ADGRL4: variants seen among roughly 807,000 people sequenced by gnomAD.
ADGRL4 encodes EGF, latrophilin and seven transmembrane domain containing 1.
Under a neutral mutation model 74.8 loss-of-function variants are expected in ADGRL4, and 90 were observed. That is an observed-to-expected ratio of 1.20 (90% CI 1.02 to 1.43). The LOEUF is 1.43. Ranked by LOEUF, ADGRL4 falls within the 40% of genes most tolerant of loss-of-function variation. The pLI is 0.00. For missense variants in ADGRL4, 881 were observed against 814.3 expected (o/e 1.08, Z -1.00); for synonymous variants, 311 against 279.2 (o/e 1.11, Z -1.14).
chr1:78,923,652 T>C (rs1649047520), intron 8 of ADGRL4, among the ~76,000 whole-genome samples: 1 of 151,820 alleles, frequency 6.6e-6, no homozygotes, highest in Non-Finnish European at 1.5e-5. Context: ...TAAAAAAATA[T>C]ATAAATAATA....
At chr1:78,926,788 A>T in intron 8 of ADGRL4, 98 bp downstream of exon 8, 1 of 844,782 alleles carries the variant, frequency 1.2e-6, no homozygotes, top group Non-Finnish European at 1.8e-6. Flanking sequence ...CTGTATTTTT[A>T]AACTCAAGAA....
intron 7 of ADGRL4, among the ~76,000 whole-genome samples, chr1:78,934,975 C>G (rs927091572): frequency 6.6e-6 from 1 of 152,152 alleles, no homozygotes; most frequent in African/African-American, 2.4e-5. Context: ...ATTAGTTCAA[C>G]CATTGTGGAA....
chr1:78,989,422 T>C (rs1173825480), intron 2 of ADGRL4, among the ~76,000 whole-genome samples: 3 of 151,918 alleles, frequency 2.0e-5, no homozygotes, highest in Non-Finnish European at 2.9e-5. Context: ...AAGAAACTTA[T>C]TCTTTAAAGA....
intron 2 of ADGRL4, among the ~76,000 whole-genome samples, chr1:78,952,108 C>CTT (rs572978181): frequency 0.014 from 2,167 of 151,790 alleles, 52 homozygotes; most frequent in African/African-American, 0.05. Context: ...AAAGAATCGT[C>CTT]TTTTTTTTAT....
At chr1:78,957,747 C>A (rs532827922) in intron 2 of ADGRL4, among the ~76,000 whole-genome samples, 1 of 152,238 alleles carries the variant, frequency 6.6e-6, no homozygotes, top group East Asian at 1.9e-4. Context: ...AGAAATCTGG[C>A]TAAGATAATT....
At chr1:78,943,238 A>G (rs1049956689) in intron 3 of ADGRL4, among the ~76,000 whole-genome samples, 1 of 152,176 alleles carries the variant, frequency 6.6e-6, no homozygotes, top group Non-Finnish European at 1.5e-5. Context: ...GCAGTAAACA[A>G]TGCTCTAAAA....
At chr1:78,928,389 G>A (rs115689572) in intron 7 of ADGRL4, among the ~76,000 whole-genome samples, 1 of 151,126 alleles carries the variant, frequency 6.6e-6, no homozygotes, top group Non-Finnish European at 1.5e-5. Context: ...ACTAATTTGA[G>A]GCTTGATCTA....
chr1:78,940,549 C>T (rs1237807624), intron 3 of ADGRL4, among the ~76,000 whole-genome samples: 1 of 152,028 alleles, frequency 6.6e-6, no homozygotes, highest in East Asian at 1.9e-4. Flanking sequence ...TAATCTGCCA[C>T]TAGAGAAAAG....
In ADGRL4 at chr1:78,990,738, A is replaced by G. The variant is rs144877562; in HGVS notation, c.172+14332T>C. Among the ~76,000 whole-genome samples, 517 of 152,128 alleles carry G rather than the reference A, an allele frequency of 3.4e-3. 4 individuals carry two copies. Among genetic ancestry groups the G allele is most frequent in the African/African-American group, 0.012 (499 of 41,582 alleles). ...CGAACATAACATTAGTTGAAGAAGCATAACACTAAAATCAAGCATCTGCTT... is the reference window on the plus strand; with the variant it reads ...CGAACATAACATTAGTTGAAGAAGCGTAACACTAAAATCAAGCATCTGCTT... On this transcript the variant is annotated intron_variant, in intron 2 of 14. Transcript: ENST00000370742.
In ADGRL4 at chr1:78,962,557, C is replaced by T. The variant is rs538934131; in HGVS notation, c.173-16131G>A. 3.9e-5 allele frequency among the ~76,000 whole-genome samples: 6 copies of T among 152,264 alleles called. No individual in the cohort carries two copies. The East Asian group carries it at 9.7e-4, about 25-fold the overall frequency. On this transcript the variant is annotated intron_variant, in intron 2 of 14. Transcript: ENST00000370742. The stretch of plus-strand genomic sequence containing the variant: ...CCTTGCCTCTCTCCCCTGTCTCCCC[C>T]ATCCAAGCTGAAACTTTATATTGAT...
intron 2 of ADGRL4, among the ~76,000 whole-genome samples, chr1:78,964,809 A>C (rs1473223526): frequency 6.6e-6 from 1 of 152,134 alleles, no homozygotes; most frequent in Non-Finnish European, 1.5e-5. Context: ...CTGCTTCTGT[A>C]ATGTTTTCTG....
At chr1:78,990,037 T>C (rs980630916) in intron 2 of ADGRL4, among the ~76,000 whole-genome samples, 1 of 151,822 alleles carries the variant, frequency 6.6e-6, no homozygotes, top group African/African-American at 2.4e-5. Context: ...TTTCATCAGG[T>C]TTTGATCAAT....
chr1:78,940,051 G>A (rs548386835), intron 3 of ADGRL4, among the ~76,000 whole-genome samples: 32 of 152,090 alleles, frequency 2.1e-4, no homozygotes, highest in Non-Finnish European at 4.0e-4. Context: ...TGAATTGCGT[G>A]ATTAATCAAC....
intron 12 of ADGRL4, among the ~76,000 whole-genome samples, chr1:78,903,322 G>T (rs12402432): frequency 0.28 from 43,232 of 151,986 alleles, 6,202 homozygotes; most frequent in Middle Eastern, 0.32. Context: ...TGCACTGTGG[G>T]TTAAAATTCA....
intron 2 of ADGRL4, among the ~76,000 whole-genome samples, chr1:78,998,065 A>G (rs776998209): frequency 3.4e-4 from 52 of 152,110 alleles, no homozygotes; most frequent in Non-Finnish European, 6.8e-4. Context: ...CAATGCCTCA[A>G]ACAATCACCT....
At chr1:78,931,604 C>T (rs1473815785) in intron 7 of ADGRL4, among the ~76,000 whole-genome samples, 2 of 151,228 alleles carry the variant, frequency 1.3e-5, no homozygotes, top group African/African-American at 4.9e-5. Flanking sequence ...TGTAAGTAGG[C>T]TAAATGCCCT....
At chr1:78,913,019 A>T (rs141159325) in intron 12 of ADGRL4, among the ~76,000 whole-genome samples, 1 of 152,138 alleles carries the variant, frequency 6.6e-6, no homozygotes, top group East Asian at 1.9e-4. Flanking sequence ...ACACATGGCC[A>T]ACAAGCATAT....
rs145029529 is a variant in ADGRL4 at position 78,961,737 on chromosome 1, A to T, written c.173-15311T>A. Among the ~76,000 whole-genome samples the T allele has an allele frequency of 9.2e-4, 140 of 152,254 alleles. 1 individual carries two copies. Among genetic ancestry groups the T allele is most frequent in the African/African-American group, 3.2e-3 (134 of 41,566 alleles). On this transcript the variant is annotated intron_variant, in intron 2 of 14. Transcript: ENST00000370742. ...GCACCATTGTATGACTTAGAAAAAG[A>T]TGCTCTTTCTGGGTGGATGCAGCTT...
At position 79,006,691 on chromosome 1, in the gene ADGRL4, C is replaced by T; in HGVS notation, c.-37G>A. On this transcript the variant is annotated 5_prime_UTR_variant, in exon 1 of 15. Coordinates refer to ENST00000370742, the MANE Select transcript of ADGRL4 (RefSeq NM_022159.4). Reference sequence around the variant, plus strand: ...GCAGTGGTGGCGGTGGCGGAGAGCGCGGCGGAGTGAGTGCGGCTGTGGACC... The same window carrying T: ...GCAGTGGTGGCGGTGGCGGAGAGCGTGGCGGAGTGAGTGCGGCTGTGGACC... 4 of 1,463,032 alleles carry T rather than the reference C, an allele frequency of 2.7e-6. No individual in the cohort carries two copies. Among genetic ancestry groups the T allele is most frequent in the Non-Finnish European group, 3.6e-6 (4 of 1,109,340 alleles). 90.6% of individuals were successfully genotyped at this position (1,463,032 alleles called of 1,614,324 possible).
Sources: gnomAD v4.1 joint callset for allele counts (sites outside exome capture counted in the v4.1 genomes callset) on GRCh38, gnomAD v4.1.1 for gene constraint, MANE v1.5 for transcripts, NCBI Gene and HGNC (gene_info 2026-07-23, HGNC 2026-07-21) for gene names.